ASCC3: variants seen among roughly 807,000 people sequenced by gnomAD.
ASCC3 encodes the protein activating signal cointegrator 1 complex subunit 3.
A neutral mutation model predicts 256.3 loss-of-function variants in ASCC3; 158 were observed. The ratio of observed to expected loss-of-function variants is 0.62; its 90% CI spans 0.54 to 0.70. ASCC3 has a LOEUF of 0.70. Among genes scored for constraint, ASCC3 ranks in the 30% least tolerant of loss-of-function variants. The pLI is 0.00. For missense variants in ASCC3, 2,259 were observed against 2,626.0 expected, an observed-to-expected ratio of 0.86 and a Z score of 3.05; for synonymous variants, 948 against 883.4, an observed-to-expected ratio of 1.07 and a Z score of -1.30.
In ASCC3 at chr6:100,791,995, T is replaced by C. The variant is rs144573066; in HGVS notation, c.1395+6718A>G. ...ACAAGTTGGGTTCTGAATAGCATCA[T>C]TGAGCAAACAAATGGACGAACCTGG... is the stretch of plus-strand genomic sequence containing the variant. On this transcript the variant is annotated intron_variant, in intron 8 of 41. Transcript: ENST00000369162. Among the ~76,000 whole-genome samples the C allele has an allele frequency of 4.1e-4, 63 of 152,010 alleles. 1 individual carries two copies. The highest frequency in any genetic ancestry group is 1.2e-3 in the African/African-American group (48 of 41,544).
chr6:100,633,779 C>T (rs1359963512), intron 25 of ASCC3, among the ~76,000 whole-genome samples: 1 of 150,718 alleles, frequency 6.6e-6, no homozygotes, highest in East Asian at 2.0e-4. Flanking sequence ...GAGACTGAGG[C>T]AGAAGAATCG....
chr6:100,694,210 T>G (rs187023344), intron 13 of ASCC3, among the ~76,000 whole-genome samples: 3 of 152,102 alleles, frequency 2.0e-5, no homozygotes, highest in East Asian at 1.9e-4. Context: ...CTCCTGCCTT[T>G]AATCCCAGCA....
Position 100,516,249 on chromosome 6 carries a change from G to C in ASCC3, c.6006C>G (p.Ala2002=), listed in dbSNP as rs539303132. Reference sequence around the variant, plus strand: ...TAAATACATGGTCTTTCCCTCCACAGGCATGGATCAGTTCAGGAAGGGACT... The same window carrying C: ...TAAATACATGGTCTTTCCCTCCACACGCATGGATCAGTTCAGGAAGGGACT... ...SIESLPELIH[A]CGGKDHVFSS... The change falls in exon 39 of 42, where the codon GCC becomes GCG. Residue 2002 remains alanine, a synonymous_variant. Coordinates refer to ENST00000369162, the MANE Select transcript of ASCC3 (RefSeq NM_006828.4). 1 of 1,613,730 alleles carries C rather than the reference G, an allele frequency of 6.2e-7. No individual in the cohort carries two copies. The highest frequency in any genetic ancestry group is 1.3e-5 in the African/African-American group (1 of 74,978).
chr6:100,606,209 T>G (rs2114805502), intron 32 of ASCC3, among the ~76,000 whole-genome samples: 1 of 152,222 alleles, frequency 6.6e-6, no homozygotes, highest in East Asian at 1.9e-4. Flanking sequence ...ATGATACAGC[T>G]TTTACATGTA....
At chr6:100,600,235 A>ACATG (rs1562153435) in intron 34 of ASCC3, among the ~76,000 whole-genome samples, 2 of 145,202 alleles carry the variant, frequency 1.4e-5, no homozygotes, top group Non-Finnish European at 3.1e-5. Context: ...ACACACACAC[A>ACATG]CACAGTTGTA....
At chr6:100,730,283 C>G (rs1779840622) in intron 10 of ASCC3, among the ~76,000 whole-genome samples, 1 of 133,724 alleles carries the variant, frequency 7.5e-6, no homozygotes. Flanking sequence ...GGAGACAGGG[C>G]AAGACTCCAT....
chr6:100,757,046 T>C lies in ASCC3; in HGVS notation c.1737+9519A>G, dbSNP rs181226236. 3.0e-3 allele frequency among the ~76,000 whole-genome samples: 450 copies of C among 152,198 alleles called. 1 individual carries two copies. Among genetic ancestry groups the C allele is most frequent in the South Asian group, 0.014 (69 of 4,816 alleles). On this transcript the variant is annotated intron_variant, in intron 10 of 41. Transcript: ENST00000369162. Reference sequence around the variant, plus strand: ...GTTCAAAGTATTGCAGAAACATACTTCTAATAAAAACCCAAACAGATCTTT... The same window carrying C: ...GTTCAAAGTATTGCAGAAACATACTCCTAATAAAAACCCAAACAGATCTTT...
chr6:100,764,416 G>A (rs1168249081), intron 10 of ASCC3, among the ~76,000 whole-genome samples: 1 of 152,126 alleles, frequency 6.6e-6, no homozygotes, highest in Non-Finnish European at 1.5e-5. Context: ...GTTCATTTAA[G>A]AAAATATTAT....
intron 10 of ASCC3, among the ~76,000 whole-genome samples, chr6:100,735,715 A>G (rs1286565999): frequency 6.6e-5 from 10 of 152,196 alleles, no homozygotes; most frequent in Admixed American, 5.9e-4. Context: ...TCTGAAGACA[A>G]TAAGATCTCT....
intron 8 of ASCC3, among the ~76,000 whole-genome samples, chr6:100,796,383 T>C (rs9390694): frequency 0.97 from 148,160 of 152,252 alleles, 72,230 homozygotes; most frequent in East Asian, 1. Context: ...CACACAAAAA[T>C]CTGCATACCA....
intron 8 of ASCC3, among the ~76,000 whole-genome samples, chr6:100,794,246 G>T (rs189209522): frequency 6.6e-6 from 1 of 152,000 alleles, no homozygotes; most frequent in African/African-American, 2.4e-5. Flanking sequence ...AATATTGAGT[G>T]TAAACCTCTT....
chr6:100,821,192 T>G (rs965205935), intron 4 of ASCC3, among the ~76,000 whole-genome samples: 1 of 152,156 alleles, frequency 6.6e-6, no homozygotes, highest in East Asian at 1.9e-4. Context: ...CTAATTATTT[T>G]TTTTGTGGAG....
chr6:100,744,937 T>G (rs1780594453), intron 10 of ASCC3, among the ~76,000 whole-genome samples: 1 of 152,188 alleles, frequency 6.6e-6, no homozygotes, highest in Non-Finnish European at 1.5e-5. Context: ...GCCAAGAGAC[T>G]GTAAGCTTAA....
chr6:100,841,444 A>G (rs1772140594), intron 4 of ASCC3, among the ~76,000 whole-genome samples: 1 of 152,204 alleles, frequency 6.6e-6, no homozygotes, highest in Admixed American at 6.5e-5. Flanking sequence ...TTGTAAGCTT[A>G]ACATCAACAA....
chr6:100,701,475 T>C (rs1207795362), intron 13 of ASCC3, among the ~76,000 whole-genome samples: 1 of 152,154 alleles, frequency 6.6e-6, no homozygotes, highest in Non-Finnish European at 1.5e-5. Context: ...AACCTCTTCC[T>C]TGTGTAAATT....
rs551573370 is a variant in ASCC3 at position 100,767,493 on chromosome 6, T to C, written c.1396-148A>G. The C allele has an allele frequency of 1.4e-5, 11 of 810,686 alleles. No individual in the cohort carries two copies. In the South Asian group the frequency reaches 1.8e-4, roughly 14 times the overall value. The allele number at this position is 810,686 out of a possible 1,614,324, so 50.2% of individuals were successfully genotyped here. ...TGTGTCTTTTATTTAAACGGAGGTA[T>C]ATGCAGTTGAGAATAACTGAAAAAT... is the stretch of plus-strand genomic sequence containing the variant. On this transcript the variant is annotated intron_variant, in intron 8 of 41. Coordinates refer to ENST00000369162, the MANE Select transcript of ASCC3 (RefSeq NM_006828.4).
At chr6:100,700,550 G>A (rs1301855979) in intron 13 of ASCC3, among the ~76,000 whole-genome samples, 1 of 152,184 alleles carries the variant, frequency 6.6e-6, no homozygotes, top group Non-Finnish European at 1.5e-5. Context: ...AAAAGCCACA[G>A]AAACTCAACA....
At chr6:100,721,337 T>G (rs1779320059) in intron 11 of ASCC3, among the ~76,000 whole-genome samples, 1 of 151,732 alleles carries the variant, frequency 6.6e-6, no homozygotes, top group Non-Finnish European at 1.5e-5. Flanking sequence ...ATGTGGTGTA[T>G]GGATTGTAAT....
At chr6:100,736,097 C>G (rs560942655) in intron 10 of ASCC3, among the ~76,000 whole-genome samples, 1 of 152,178 alleles carries the variant, frequency 6.6e-6, no homozygotes, top group South Asian at 2.1e-4. Flanking sequence ...ACTCCAGTAA[C>G]TGTTGATAAA....
Sources: allele counts gnomAD v4.1 joint callset (sites outside exome capture counted in the v4.1 genomes callset), GRCh38; gene constraint gnomAD v4.1.1; transcripts MANE v1.5; gene names NCBI Gene and HGNC (gene_info 2026-07-23, HGNC 2026-07-21).